ADAM22: variants seen among roughly 807,000 people sequenced by gnomAD.
The protein encoded by ADAM22 is ADAM metallopeptidase domain 22.
In ADAM22, 65 loss-of-function variants were observed where a neutral mutation model predicts 144.6. The observed-to-expected ratio is 0.45, with a 90% confidence interval of 0.37 to 0.55. The LOEUF (loss-of-function observed/expected upper bound fraction) is 0.55, where lower values mean the gene tolerates loss of function less well. Among genes scored for constraint, ADAM22 ranks in the 20% least tolerant of loss-of-function variants. ADAM22 has a pLI of 0.00. For synonymous variants in ADAM22, 391 were observed against 412.6 expected, an observed-to-expected ratio of 0.95 and a Z score of 0.63; for missense variants, 974 against 1,184.9, an observed-to-expected ratio of 0.82 and a Z score of 2.61.
chr7:88,067,959 A>G lies in ADAM22; in HGVS notation c.324-7667A>G, dbSNP rs775826961. Among the ~76,000 whole-genome samples, 13 of 152,226 alleles carry G rather than the reference A, an allele frequency of 8.5e-5. No individual in the cohort carries two copies. In the South Asian group the frequency reaches 2.5e-3, roughly 29 times the overall value. ...TTCATCCAAAAATCAGATATTTAAT[A>G]AACTTTTAATTCCCTTTTGTAGTTT... On this transcript the variant is annotated intron_variant, in intron 3 of 31. Coordinates refer to ENST00000413139, the MANE Select transcript of ADAM22 (RefSeq NM_001324418.2).
intron 23 of ADAM22, 41 bp downstream of exon 23, chr7:88,163,221 T>A: frequency 1.3e-6 from 2 of 1,514,184 alleles, no homozygotes; most frequent in Non-Finnish European, 1.8e-6. Context: ...TTCTTTTATA[T>A]CACAGAAATA....
At chr7:87,959,457 GTT>G (rs1452380510) in intron 2 of ADAM22, among the ~76,000 whole-genome samples, 1 of 152,002 alleles carries the variant, frequency 6.6e-6, no homozygotes, top group African/African-American at 2.4e-5. Context: ...GGATTTCTCT[GTT>G]TTCATAAGAG....
Position 88,114,633 on chromosome 7 carries a change from A to C in ADAM22, c.523A>C (p.Asn175His). ...NHTYLIEPEE[N>H]DTTQEDFHFH... ...CACATATCTCATTGAGCCAGAAGAA[A>C]ATGACACTACTCAAGTAAGTGCTCC... is the stretch of plus-strand genomic sequence containing the variant. The change falls in exon 6 of 32, where the codon AAT becomes CAT. Residue 175 changes from asparagine to histidine, a missense_variant. Asn to His is a moderately conservative substitution (Grantham distance 68). Coordinates refer to ENST00000413139, the MANE Select transcript of ADAM22 (RefSeq NM_001324418.2). 1 of 1,613,920 alleles carries C rather than the reference A, an allele frequency of 6.2e-7. No individual in the cohort carries two copies. The highest frequency in any genetic ancestry group is 8.5e-7 in the Non-Finnish European group (1 of 1,179,872).
chr7:87,964,693 G>A (rs992445845), intron 2 of ADAM22: 4 of 396,052 alleles, frequency 1.0e-5, no homozygotes, highest in Non-Finnish European at 1.5e-5. Flanking sequence ...AGGTAATGCA[G>A]TACCTATAAC....
chr7:88,116,975 A>G (rs1266311286), intron 7 of ADAM22, among the ~76,000 whole-genome samples, 161 bp downstream of exon 7: 1 of 152,180 alleles, frequency 6.6e-6, no homozygotes, highest in Non-Finnish European at 1.5e-5. Context: ...TAAAATGCAA[A>G]CTGTCCTCAC....
chr7:87,978,400 T>C lies in ADAM22; in HGVS notation c.311T>C (p.Val104Ala), dbSNP rs2129448784. ...TTTGGAACGTCATTCATTCTCGATGTCGTGCTAAATCAGTAAGTGTTGAGT... is the reference window on the plus strand; with the variant it reads ...TTTGGAACGTCATTCATTCTCGATGCCGTGCTAAATCAGTAAGTGTTGAGT... ...DAFGTSFILD[V>A]VLNHDLLSSE... The change falls in exon 3 of 32, where the codon GTC becomes GCC. Residue 104 changes from valine to alanine, a missense_variant. Around this residue, in one of 2 missense-constraint regions of ADAM22, gnomAD observed 240 missense variants for 234.3 expected, o/e 1.02. Transcript: ENST00000413139. 1 of 1,613,682 alleles carries C rather than the reference T, an allele frequency of 6.2e-7. No homozygotes were observed. Among genetic ancestry groups the C allele is most frequent in the South Asian group, 1.1e-5 (1 of 91,028 alleles).
At chr7:88,100,154 T>C (rs999288038) in intron 4 of ADAM22, among the ~76,000 whole-genome samples, 1 of 152,174 alleles carries the variant, frequency 6.6e-6, no homozygotes, top group African/African-American at 2.4e-5. Context: ...TTTGCAACTT[T>C]TCTGTGTATC....
chr7:88,023,831 C>A (rs1798377082), intron 3 of ADAM22, among the ~76,000 whole-genome samples: 1 of 151,914 alleles, frequency 6.6e-6, no homozygotes, highest in African/African-American at 2.4e-5. Flanking sequence ...CCACTTCCCC[C>A]CTACCCTCCT....
At chr7:88,100,668 ATTTG>A (rs1173400499) in intron 4 of ADAM22, among the ~76,000 whole-genome samples, 1 of 152,008 alleles carries the variant, frequency 6.6e-6, no homozygotes, top group Non-Finnish European at 1.5e-5. Flanking sequence ...TTACTTTGTT[ATTTG>A]TTTATTTTCT....
intron 2 of ADAM22, among the ~76,000 whole-genome samples, chr7:87,957,043 T>C (rs1262867090): frequency 5.3e-5 from 8 of 152,226 alleles, no homozygotes; most frequent in Non-Finnish European, 1.2e-4. Flanking sequence ...TTCAGAGTCC[T>C]TTCTGTGATC....
intron 3 of ADAM22, among the ~76,000 whole-genome samples, chr7:88,069,913 A>G (rs1812296432): frequency 6.6e-6 from 1 of 152,188 alleles, no homozygotes; most frequent in Admixed American, 6.5e-5. Flanking sequence ...GCAGAAGGGA[A>G]TATATGTTGA....
intron 5 of ADAM22, among the ~76,000 whole-genome samples, chr7:88,112,009 T>C (rs1183984110): frequency 6.6e-6 from 1 of 152,190 alleles, no homozygotes; most frequent in African/African-American, 2.4e-5. Context: ...CTTGCTACTT[T>C]GTTGGTGTTG....
At chr7:87,972,975 A>T (rs971230167) in intron 2 of ADAM22, among the ~76,000 whole-genome samples, 21 of 152,248 alleles carry the variant, frequency 1.4e-4, no homozygotes, top group Admixed American at 1.4e-3. Flanking sequence ...TGGTAAACCT[A>T]AAACCATAAA....
chr7:88,134,436 G>A lies in ADAM22; in HGVS notation c.1168+17G>A. 6.4e-7 allele frequency: 1 copy of A among 1,553,380 alleles called. No individual in the cohort carries two copies. Among genetic ancestry groups the A allele is most frequent in the Non-Finnish European group, 8.8e-7 (1 of 1,133,004 alleles). Reference sequence around the variant, plus strand: ...TAGCAAGTGGTAAGTTTTAGTACATGTGTGGTTAGTTGTATTTAAAATAGA... The same window carrying A: ...TAGCAAGTGGTAAGTTTTAGTACATATGTGGTTAGTTGTATTTAAAATAGA... On this transcript the variant is annotated intron_variant, in intron 13 of 31. Coordinates refer to ENST00000413139, the MANE Select transcript of ADAM22 (RefSeq NM_001324418.2).
At chr7:88,105,524 A>G (rs570397676) in intron 4 of ADAM22, among the ~76,000 whole-genome samples, 282 of 152,348 alleles carry the variant, frequency 1.9e-3, no homozygotes, top group Non-Finnish European at 3.4e-3. Context: ...TCACCAGTCC[A>G]ACAGCCCAAC....
At chr7:87,938,252 T>TC (rs1467073452) in intron 2 of ADAM22, among the ~76,000 whole-genome samples, 1 of 139,366 alleles carries the variant, frequency 7.2e-6, no homozygotes, top group Non-Finnish European at 1.5e-5. Flanking sequence ...GGAGTCTTGC[T>TC]CTGTCACCCA....
At chr7:88,173,388 CT>C (rs1364374176) in intron 26 of ADAM22, among the ~76,000 whole-genome samples, 1 of 151,580 alleles carries the variant, frequency 6.6e-6, no homozygotes, top group Non-Finnish European at 1.5e-5. Context: ...TCAACACAAC[CT>C]TTTTTTTGTC....
intron 3 of ADAM22, among the ~76,000 whole-genome samples, chr7:87,991,518 C>CGCTGGG (rs1789876306): frequency 6.6e-6 from 1 of 151,994 alleles, no homozygotes; most frequent in African/African-American, 2.4e-5. Flanking sequence ...AGGCGCCCGC[C>CGCTGGG]ACCGCGCCCG....
intron 3 of ADAM22, among the ~76,000 whole-genome samples, chr7:88,073,843 G>A (rs187077620): frequency 5.9e-5 from 9 of 152,334 alleles, no homozygotes; most frequent in Admixed American, 5.2e-4. Flanking sequence ...TCAAGTGTCT[G>A]AGAGATACTG....
Sources: allele counts gnomAD v4.1 joint callset (sites outside exome capture counted in the v4.1 genomes callset), GRCh38; gene constraint gnomAD v4.1.1; regional missense constraint gnomAD v4.1.1; transcripts MANE v1.5; gene names NCBI Gene and HGNC (gene_info 2026-07-23, HGNC 2026-07-21).